PDE6B: variants seen among roughly 807,000 people sequenced by gnomAD.
The protein encoded by PDE6B is rod cGMP-specific 3',5'-cyclic phosphodiesterase subunit beta.
A neutral mutation model predicts 109.0 loss-of-function variants in PDE6B; 106 were observed. That is an observed-to-expected ratio of 0.97 (90% CI 0.83 to 1.14). The LOEUF (loss-of-function observed/expected upper bound fraction) is 1.14, where lower values mean the gene tolerates loss of function less well. Ranked by LOEUF, PDE6B falls within the 50% of genes most tolerant of loss-of-function variation. The probability of loss-of-function intolerance (pLI) is 0.00; values close to 1 mark genes in which losing one functional copy is unlikely to be tolerated. For synonymous variants in PDE6B, 490 were observed against 471.3 expected (o/e 1.04, Z -0.51); for missense variants, 1,193 against 1,155.6 (o/e 1.03, Z -0.47).
intron 12 of PDE6B, chr4:661,829 G>T (rs773378224): frequency 2.2e-6 from 1 of 446,988 alleles, no homozygotes; most frequent in Non-Finnish European, 4.2e-6. Flanking sequence ...CATCCCCAGG[G>T]GTCCTCCTCC....
At chr4:656,372 G>C (rs528157136) in intron 8 of PDE6B, 80 bp downstream of exon 8, 3 of 1,002,522 alleles carry the variant, frequency 3.0e-6, no homozygotes, top group Non-Finnish European at 4.8e-6. Context: ...AAGTGAATTC[G>C]TTTTTGCCAC....
rs376363879 is a variant in PDE6B, at chr4:667,930, G to A, written c.2427G>A (p.Ala809=). ...RLQNNRKEWK[A]LADEYEAKVK... is the part of the protein sequence containing the mutation. ...AGAACAATAGGAAAGAGTGGAAGGC[G>A]CTGGCTGATGAGTATGAGGCCAAAG... Residue 809 remains alanine (A), a synonymous_variant, in exon 21 of 22, where the codon GCG becomes GCA. Coordinates refer to ENST00000496514, the MANE Select transcript of PDE6B (RefSeq NM_000283.4). 11 of 1,613,142 alleles carry A rather than the reference G, an allele frequency of 6.8e-6. No individual in the cohort carries two copies. The highest frequency in any genetic ancestry group is 1.6e-4 in the Middle Eastern group (1 of 6,080).
At chr4:655,025 G>A (rs919642368) in intron 6 of PDE6B, 137 bp downstream of exon 6, 11 of 707,054 alleles carry the variant, frequency 1.6e-5, no homozygotes, top group African/African-American at 3.5e-5. Context: ...CCCACCTGTG[G>A]TGCTCTGTGT....
intron 3 of PDE6B, among the ~76,000 whole-genome samples, chr4:651,243 C>G (rs556503473): frequency 1.4e-5 from 2 of 139,784 alleles, no homozygotes; most frequent in African/African-American, 5.4e-5. Flanking sequence ...CCGTCACAGG[C>G]GGGGCAGGGG....
chr4:661,937 A>G, intron 12 of PDE6B, 197 bp from the exon 13 acceptor site: 1 of 620,374 alleles, frequency 1.6e-6, no homozygotes, highest in Admixed American at 2.3e-5. Flanking sequence ...CATAGGTGCC[A>G]ATGTGGCAGC....
chr4:639,968 AG>A (rs1188164669), intron 3 of PDE6B, among the ~76,000 whole-genome samples: 6 of 152,108 alleles, frequency 3.9e-5, no homozygotes, highest in Middle Eastern at 3.2e-3. Flanking sequence ...ACTGTACTCC[AG>A]CCTGGGCGAC....
intron 11 of PDE6B, among the ~76,000 whole-genome samples, chr4:659,502 C>T (rs6858313): frequency 4.0e-5 from 6 of 149,286 alleles, no homozygotes; most frequent in East Asian, 4.0e-4. Flanking sequence ...CAAGTGTGTA[C>T]GTGTGTGTGC....
chr4:626,463 A>T lies in PDE6B; in HGVS notation c.468+369A>T, dbSNP rs1734108182. Among the ~76,000 whole-genome samples, 1 of 152,220 alleles carries T rather than the reference A, an allele frequency of 6.6e-6. No homozygotes were observed. Among genetic ancestry groups the T allele is most frequent in the African/African-American group, 2.4e-5 (1 of 41,464 alleles). ...CCCCTGGCTTCCAGGAAGACTGACC[A>T]GATGGGGGCTTCAGGGCTCTCTGGG... On this transcript the variant is annotated intron_variant, in intron 1 of 21. Coordinates refer to ENST00000496514, the MANE Select transcript of PDE6B (RefSeq NM_000283.4). The surrounding 1 kb of genome is among the most constrained non-coding windows in gnomAD (Gnocchi z 4.6).
intron 3 of PDE6B, among the ~76,000 whole-genome samples, chr4:641,261 T>C (rs1476035397): frequency 1.3e-5 from 2 of 152,270 alleles, no homozygotes; most frequent in East Asian, 3.8e-4. Flanking sequence ...ATTAGATTTG[T>C]ACCTAAGTAT....
chr4:657,317 C>T (rs763704629), intron 9 of PDE6B, 34 bp from the exon 10 acceptor site: 24 of 1,611,578 alleles, frequency 1.5e-5, no homozygotes, highest in Admixed American at 5.0e-5. Context: ...GCGCCGGGAG[C>T]GCTGAGCGCC....
chr4:632,174 G>T (rs748354332), intron 1 of PDE6B, among the ~76,000 whole-genome samples: 31 of 152,108 alleles, frequency 2.0e-4, no homozygotes, highest in Non-Finnish European at 3.5e-4. Context: ...CAGGTGTCAC[G>T]CTGTGATCTG....
chr4:636,698 C>A lies in PDE6B; in HGVS notation c.711+729C>A, dbSNP rs540898029. Among the ~76,000 whole-genome samples the A allele has an allele frequency of 7.2e-5, 11 of 152,150 alleles. No individual in the cohort carries two copies. The highest frequency in any genetic ancestry group is 2.7e-4 in the African/African-American group (11 of 41,432). On this transcript the variant is annotated intron_variant, in intron 3 of 21. Transcript: ENST00000496514. The surrounding 1 kb of genome is among the most constrained non-coding windows in gnomAD (Gnocchi z 4.5). ...CCTTCTCCGTGTCTTGTTCTGCCTGCGGATGCTGCCTGGCCCTGGTCACCT... is the reference window on the plus strand; with the variant it reads ...CCTTCTCCGTGTCTTGTTCTGCCTGAGGATGCTGCCTGGCCCTGGTCACCT...
In PDE6B at chr4:663,531, G is replaced by C. The variant is rs1361781941; in HGVS notation, c.1921-239G>C. Among the ~76,000 whole-genome samples the C allele has an allele frequency of 2.0e-5, 3 of 152,158 alleles. No homozygotes were observed. The highest frequency in any genetic ancestry group is 7.2e-5 in the African/African-American group (3 of 41,448). On this transcript the variant is annotated intron_variant, in intron 15 of 21. Transcript: ENST00000496514. This position sits in a 1 kb window ranked among gnomAD's most constrained non-coding sequence, Gnocchi z 4.0. ...GGACACTCAGTGGACCCCTCCCTGC[G>C]CTCCCCGGTGGTGACCTCTGAGGCC... is the stretch of plus-strand genomic sequence containing the variant.
At position 626,125 on chromosome 4, in the gene PDE6B, C is replaced by T; in HGVS notation, c.468+31C>T. 1 of 1,294,676 alleles carries T rather than the reference C, an allele frequency of 7.7e-7. No individual in the cohort carries two copies. The highest frequency in any genetic ancestry group is 1.1e-6 in the Non-Finnish European group (1 of 915,450). 80.2% of individuals were successfully genotyped at this position (1,294,676 alleles called of 1,614,324 possible). A position where few individuals can be genotyped will look rare whatever the true frequency, so the allele number is the denominator to read the frequency against. On this transcript the variant is annotated intron_variant, in intron 1 of 21. Coordinates refer to ENST00000496514, the MANE Select transcript of PDE6B (RefSeq NM_000283.4). The surrounding 1 kb of genome is among the most constrained non-coding windows in gnomAD (Gnocchi z 4.6). ...TCTGTGCGGAGCCTCAGGGAGGCGGCTGTGTGCATCTCTTGCACCTGTCCC... is the reference window on the plus strand; with the variant it reads ...TCTGTGCGGAGCCTCAGGGAGGCGGTTGTGTGCATCTCTTGCACCTGTCCC...
At chr4:627,163 T>TC (rs1734151388) in intron 1 of PDE6B, among the ~76,000 whole-genome samples, 1 of 151,474 alleles carries the variant, frequency 6.6e-6, no homozygotes, top group Non-Finnish European at 1.5e-5. Flanking sequence ...TTTTTTTTTT[T>TC]TGAGACAGAG....
chr4:647,975 T>C (rs2109165496), intron 3 of PDE6B, among the ~76,000 whole-genome samples: 1 of 151,892 alleles, frequency 6.6e-6, no homozygotes, highest in African/African-American at 2.4e-5. Flanking sequence ...CTCAGGAGGC[T>C]GAGGCAGGAA....
chr4:626,053 GC>G lies in PDE6B; in HGVS notation c.428del (p.Ala143ValfsTer7). On this transcript the variant is annotated frameshift_variant, in exon 1 of 22. Coordinates refer to ENST00000496514, the MANE Select transcript of PDE6B (RefSeq NM_000283.4). LOFTEE classifies it high-confidence loss of function. The surrounding 1 kb of genome is among the most constrained non-coding windows in gnomAD (Gnocchi z 4.6). ...PLDIGVVGHV[A>X]QTKKMVNVED... is the part of the protein sequence containing the mutation. The stretch of plus-strand genomic sequence containing the variant: ...GGACATCGGGGTCGTGGGCCACGTG[GC>G]TCAGACCAAAAAGATGGTGAACGTC... 1 of 1,596,226 alleles carries G rather than the reference GC, an allele frequency of 6.3e-7. No individual in the cohort carries two copies. The highest frequency in any genetic ancestry group is 8.5e-7 in the Non-Finnish European group (1 of 1,172,232).
chr4:658,388 C>T (rs1736627654), intron 10 of PDE6B, among the ~76,000 whole-genome samples: 1 of 127,890 alleles, frequency 7.8e-6, no homozygotes, highest in African/African-American at 3.1e-5. Context: ...CGGGGCAGGT[C>T]GTCCAGGGGT....
At chr4:637,775 C>T (rs1216133627) in intron 3 of PDE6B, among the ~76,000 whole-genome samples, 2 of 152,350 alleles carry the variant, frequency 1.3e-5, no homozygotes, top group Middle Eastern at 3.4e-3. Flanking sequence ...TGTTCCTGCA[C>T]GTGACCATCG....
Sources: allele counts gnomAD v4.1 joint callset (sites outside exome capture counted in the v4.1 genomes callset), GRCh38; gene constraint gnomAD v4.1.1; non-coding constraint Gnocchi (gnomAD v3.1); transcripts MANE v1.5; gene names NCBI Gene and HGNC (gene_info 2026-07-23, HGNC 2026-07-21).